GRIK2: variants seen among roughly 807,000 people sequenced by gnomAD.
The protein encoded by GRIK2 is glutamate ionotropic receptor kainate type subunit 2.
GRIK2 carries 32 observed loss-of-function variants against 100.3 expected under a neutral mutation model. That is an observed-to-expected ratio of 0.32 (90% CI 0.24 to 0.43). The LOEUF (loss-of-function observed/expected upper bound fraction) is 0.43. Ranked by LOEUF, GRIK2 falls within the 20% of genes least tolerant of loss-of-function variation. The pLI is 1.00. For missense variants in GRIK2, 843 were observed against 1,114.9 expected (o/e 0.76, Z 3.47); for synonymous variants, 417 against 389.4 (o/e 1.07, Z -0.83).
chr6:101,827,724 A>T, intron 10 of GRIK2, among the ~76,000 whole-genome samples: 1 of 152,008 alleles, frequency 6.6e-6, no homozygotes, highest in South Asian at 2.1e-4. Flanking sequence ...TAAATTCAAC[A>T]AGAAGATTTA....
rs73761409 is a variant in GRIK2 at position 101,756,073 on chromosome 6, G to C, written c.952-43575G>C. Among the ~76,000 whole-genome samples the C allele has an allele frequency of 4.9e-3, 742 of 152,242 alleles. 5 individuals carry two copies. Among genetic ancestry groups the C allele is most frequent in the African/African-American group, 0.016 (682 of 41,558 alleles). ...TAAAACTCCCTCCCCCCCAGGTTTT[G>C]TGTTGTTTAATAACATCTGAAGCCA... On this transcript the variant is annotated intron_variant, in intron 7 of 16. Transcript: ENST00000369134.
At chr6:101,681,877 T>C (rs1771280915) in intron 5 of GRIK2, among the ~76,000 whole-genome samples, 1 of 152,188 alleles carries the variant, frequency 6.6e-6, no homozygotes, top group Admixed American at 6.5e-5. Flanking sequence ...AAGCATTCTC[T>C]TATTTTTGGA....
chr6:101,952,391 A>T (rs1791654247), intron 14 of GRIK2, among the ~76,000 whole-genome samples: 1 of 152,274 alleles, frequency 6.6e-6, no homozygotes, highest in East Asian at 1.9e-4. Flanking sequence ...ATGAATATCC[A>T]TGTACAGGTT....
At chr6:101,878,784 C>T (rs1188683109) in intron 11 of GRIK2, among the ~76,000 whole-genome samples, 1 of 151,996 alleles carries the variant, frequency 6.6e-6, no homozygotes, top group Non-Finnish European at 1.5e-5. Context: ...TCTATTCAAA[C>T]TGCTCATTCC....
intron 2 of GRIK2, among the ~76,000 whole-genome samples, chr6:101,574,844 A>G (rs1777723710): frequency 6.6e-6 from 1 of 151,886 alleles, no homozygotes; most frequent in South Asian, 2.1e-4. Flanking sequence ...TAAGTTAGCT[A>G]TCATTAGGCT....
chr6:101,691,825 A>G (rs1772118928), intron 7 of GRIK2, among the ~76,000 whole-genome samples: 1 of 152,062 alleles, frequency 6.6e-6, no homozygotes, highest in Non-Finnish European at 1.5e-5. Flanking sequence ...CATCTTGTAT[A>G]TACATCTTAC....
In GRIK2 at chr6:101,862,323, T is replaced by C. The variant is rs74773403; in HGVS notation, c.1524+2830T>C. 8.0e-3 allele frequency among the ~76,000 whole-genome samples: 1,218 copies of C among 152,256 alleles called. 21 individuals carry two copies. The highest frequency in any genetic ancestry group is 0.028 in the African/African-American group (1,154 of 41,558). On this transcript the variant is annotated intron_variant, in intron 11 of 16. Transcript: ENST00000369134. ...CAGGAAGCCATATTTTGGGGTGAAA[T>C]ATTTTGATTTCCTTCACATGTAAGA...
rs73500563 is a variant in GRIK2 at position 102,045,858 on chromosome 6, T to G, written c.2312-9472T>G. 3.8e-3 allele frequency among the ~76,000 whole-genome samples: 574 copies of G among 152,218 alleles called. 4 individuals carry two copies. The highest frequency in any genetic ancestry group is 0.012 in the African/African-American group (500 of 41,562). On this transcript the variant is annotated intron_variant, in intron 15 of 16. Coordinates refer to ENST00000369134, the MANE Select transcript of GRIK2 (RefSeq NM_021956.5). ...AATTGCAAGAGTAAGTTGTTACCTATCAATAATAACCTTGAATGTAAATTA... is the reference window on the plus strand; with the variant it reads ...AATTGCAAGAGTAAGTTGTTACCTAGCAATAATAACCTTGAATGTAAATTA...
chr6:101,414,200 C>T (rs1368548878), intron 2 of GRIK2, among the ~76,000 whole-genome samples: 2 of 152,112 alleles, frequency 1.3e-5, no homozygotes, highest in Non-Finnish European at 2.9e-5. Context: ...CTGTTGTTTG[C>T]ATCTTGTGCT....
At chr6:101,983,660 A>G (rs959539744) in intron 14 of GRIK2, among the ~76,000 whole-genome samples, 25 of 151,940 alleles carry the variant, frequency 1.6e-4, no homozygotes, top group African/African-American at 6.0e-4. Context: ...TTCCTCTTAC[A>G]TTTCATACAA....
At chr6:101,624,884 A>T (rs531005072) in intron 3 of GRIK2, among the ~76,000 whole-genome samples, 38 of 152,118 alleles carry the variant, frequency 2.5e-4, no homozygotes, top group Non-Finnish European at 4.7e-4. Context: ...GGCACACAGC[A>T]CCATGCCCAG....
At chr6:101,773,736 C>A (rs950354971) in intron 7 of GRIK2, among the ~76,000 whole-genome samples, 1 of 152,042 alleles carries the variant, frequency 6.6e-6, no homozygotes, top group Non-Finnish European at 1.5e-5. Context: ...TTTATTCTTA[C>A]AACAACTCTG....
chr6:102,057,599 A>G (rs1771527283), intron 16 of GRIK2, among the ~76,000 whole-genome samples: 1 of 151,966 alleles, frequency 6.6e-6, no homozygotes, highest in Non-Finnish European at 1.5e-5. Flanking sequence ...CTGAGTGGAT[A>G]TTACATGAGC....
At chr6:101,707,622 A>ATATC (rs1773428390) in intron 7 of GRIK2, among the ~76,000 whole-genome samples, 2 of 145,324 alleles carry the variant, frequency 1.4e-5, no homozygotes, top group African/African-American at 5.1e-5. Context: ...ATATATATAT[A>ATATC]TATATGAATT....
intron 4 of GRIK2, among the ~76,000 whole-genome samples, chr6:101,642,160 A>G (rs572830503): frequency 1.6e-3 from 250 of 151,976 alleles, no homozygotes; most frequent in African/African-American, 5.8e-3. Flanking sequence ...GTTTCAGAGT[A>G]GAGACACTTA....
chr6:101,673,241 A>G (rs1040742957), intron 4 of GRIK2, among the ~76,000 whole-genome samples: 5 of 152,238 alleles, frequency 3.3e-5, no homozygotes, highest in African/African-American at 1.2e-4. Context: ...TATGTGGCCA[A>G]CAAACATATG....
intron 14 of GRIK2, among the ~76,000 whole-genome samples, chr6:102,002,859 T>C (rs1156910090): frequency 6.6e-6 from 1 of 150,754 alleles, no homozygotes; most frequent in East Asian, 2.0e-4. Context: ...TTTTTAGATA[T>C]ATATATAGAT....
intron 14 of GRIK2, among the ~76,000 whole-genome samples, chr6:102,034,507 G>T (rs749072687): frequency 1.3e-4 from 20 of 151,188 alleles, no homozygotes; most frequent in Non-Finnish European, 2.4e-4. Context: ...TGATGATAAG[G>T]GTTTCACAGA....
chr6:101,472,048 T>C (rs1771974164), intron 2 of GRIK2, among the ~76,000 whole-genome samples: 1 of 151,608 alleles, frequency 6.6e-6, no homozygotes, highest in African/African-American at 2.4e-5. Flanking sequence ...TTTCATTGTA[T>C]TGCTAAACAT....
Sources: allele counts gnomAD v4.1 joint callset (sites outside exome capture counted in the v4.1 genomes callset), GRCh38; gene constraint gnomAD v4.1.1; transcripts MANE v1.5; gene names NCBI Gene and HGNC (gene_info 2026-07-23, HGNC 2026-07-21).